PDZRN3: variants seen among roughly 807,000 people sequenced by gnomAD.
The protein encoded by PDZRN3 is E3 ubiquitin-protein ligase PDZRN3.
A neutral mutation model predicts 85.7 loss-of-function variants in PDZRN3; 38 were observed. The observed-to-expected ratio is 0.44, with a 90% CI of 0.34 to 0.58. PDZRN3 has a LOEUF of 0.58. PDZRN3 is among the 20% of genes least tolerant of loss of function. PDZRN3 has a pLI of 0.01. For synonymous variants in PDZRN3, 759 were observed against 638.0 expected (o/e 1.19, Z -2.86); for missense variants, 1,629 against 1,506.4 (o/e 1.08, Z -1.35).
chr3:73,618,877 C>A (rs1403942381), intron 1 of PDZRN3, among the ~76,000 whole-genome samples: 1 of 152,104 alleles, frequency 6.6e-6, no homozygotes, highest in Non-Finnish European at 1.5e-5. Flanking sequence ...AGCAGAAGTG[C>A]GCTGTTTTGT....
chr3:73,623,399 C>A (rs1472253575), intron 1 of PDZRN3, among the ~76,000 whole-genome samples: 1 of 152,222 alleles, frequency 6.6e-6, no homozygotes, highest in Non-Finnish European at 1.5e-5. Context: ...TCCTTTAATT[C>A]TTTCTGAAAT....
At chr3:73,489,508 G>A (rs1360320848) in intron 3 of PDZRN3, among the ~76,000 whole-genome samples, 1 of 150,606 alleles carries the variant, frequency 6.6e-6, no homozygotes, top group Non-Finnish European at 1.5e-5. Flanking sequence ...CTTCAGAGGA[G>A]TTGCCCTGCA....
At chr3:73,524,929 G>T (rs181010050) in intron 3 of PDZRN3, among the ~76,000 whole-genome samples, 2 of 150,478 alleles carry the variant, frequency 1.3e-5, no homozygotes, top group African/African-American at 4.9e-5. Context: ...TCACAGATCC[G>T]ATTCATATAT....
At chr3:73,604,998 A>T (rs2106900134) in intron 2 of PDZRN3, among the ~76,000 whole-genome samples, 1 of 152,174 alleles carries the variant, frequency 6.6e-6, no homozygotes, top group East Asian at 1.9e-4. Context: ...AGGCTGGTGG[A>T]TCGCCTGAGC....
chr3:73,389,919 G>A (rs535327096), intron 6 of PDZRN3, 41 bp from the exon 7 acceptor site: 4 of 1,459,056 alleles, frequency 2.7e-6, no homozygotes, highest in Non-Finnish European at 9.6e-7. Flanking sequence ...ACGCAGACAT[G>A]CATGAAAATA....
intron 5 of PDZRN3, among the ~76,000 whole-genome samples, chr3:73,392,580 A>G (rs1701550630): frequency 2.0e-5 from 3 of 152,216 alleles, no homozygotes; most frequent in African/African-American, 4.8e-5. Flanking sequence ...AGCTCTTAGC[A>G]CATTGACTGC....
intron 2 of PDZRN3, among the ~76,000 whole-genome samples, chr3:73,607,159 T>C (rs1702613668): frequency 6.6e-6 from 1 of 152,174 alleles, no homozygotes; most frequent in Non-Finnish European, 1.5e-5. Flanking sequence ...AGCTCAGGGG[T>C]CTTCACAGGT....
intron 3 of PDZRN3, among the ~76,000 whole-genome samples, chr3:73,560,770 G>A (rs915669642): frequency 6.6e-6 from 1 of 152,186 alleles, no homozygotes; most frequent in Non-Finnish European, 1.5e-5. Flanking sequence ...CACAGCCATG[G>A]CTGAGCCTCA....
intron 2 of PDZRN3, among the ~76,000 whole-genome samples, chr3:73,605,440 G>C (rs879884670): frequency 1.4e-4 from 22 of 152,174 alleles, no homozygotes; most frequent in Middle Eastern, 3.2e-3. Context: ...TGAGAGGTTT[G>C]ATACAACAGA....
intron 3 of PDZRN3, among the ~76,000 whole-genome samples, chr3:73,517,543 A>G (rs1296387190): frequency 6.6e-6 from 1 of 152,230 alleles, no homozygotes; most frequent in Admixed American, 6.5e-5. Context: ...GAGATTCTTT[A>G]AAAGGCTGAA....
At chr3:73,457,340 T>C (rs1344237308) in intron 3 of PDZRN3, among the ~76,000 whole-genome samples, 1 of 152,126 alleles carries the variant, frequency 6.6e-6, no homozygotes, top group African/African-American at 2.4e-5. Context: ...TCCAAAGTGC[T>C]GGGATTACAG....
intron 3 of PDZRN3, among the ~76,000 whole-genome samples, chr3:73,412,184 A>G (rs1701986805): frequency 6.6e-6 from 1 of 152,182 alleles, no homozygotes; most frequent in African/African-American, 2.4e-5. Flanking sequence ...CCACAAATTG[A>G]AGGAGGAAGG....
chr3:73,620,804 C>T (rs1456564319), intron 1 of PDZRN3, among the ~76,000 whole-genome samples: 1 of 152,168 alleles, frequency 6.6e-6, no homozygotes, highest in Non-Finnish European at 1.5e-5. Context: ...TCTCGATCTC[C>T]TGATCTCGTG....
intron 3 of PDZRN3, among the ~76,000 whole-genome samples, chr3:73,531,225 T>C (rs1217586887): frequency 8.5e-6 from 1 of 118,230 alleles, no homozygotes; most frequent in Non-Finnish European, 1.6e-5. Flanking sequence ...CACTCCAGCC[T>C]GGGTGACAGA....
intron 3 of PDZRN3, among the ~76,000 whole-genome samples, chr3:73,577,519 A>G (rs1702142169): frequency 6.6e-6 from 1 of 152,094 alleles, no homozygotes; most frequent in Non-Finnish European, 1.5e-5. Flanking sequence ...CTTGTATAGA[A>G]TGGTTCTCTG....
At chr3:73,398,513 G>A in intron 5 of PDZRN3, among the ~76,000 whole-genome samples, 1 of 152,144 alleles carries the variant, frequency 6.6e-6, no homozygotes, top group East Asian at 1.9e-4. Flanking sequence ...ACATCTCCTA[G>A]GTGAGAACTC....
In PDZRN3 at chr3:73,475,453, T is replaced by A. The variant is rs374835406; in HGVS notation, c.919-71058A>T. ...GGCAGTCAATTTCAAATTCACAGGG[T>A]TCCCCCCCCAACTCTGAACCCATTA... On this transcript the variant is annotated intron_variant, in intron 3 of 9. Transcript: ENST00000263666. Among the ~76,000 whole-genome samples the A allele has an allele frequency of 3.8e-4, 58 of 152,070 alleles. 4 individuals carry two copies. The highest frequency in any genetic ancestry group is 2.7e-3 in the East Asian group (14 of 5,184).
intron 2 of PDZRN3, among the ~76,000 whole-genome samples, chr3:73,606,717 A>G (rs1256392877): frequency 1.3e-5 from 2 of 152,172 alleles, no homozygotes; most frequent in Non-Finnish European, 2.9e-5. Context: ...ACCATTTAAA[A>G]TGTTCTTTTT....
At chr3:73,527,215 C>T (rs1164484253) in intron 3 of PDZRN3, among the ~76,000 whole-genome samples, 1 of 152,020 alleles carries the variant, frequency 6.6e-6, no homozygotes, top group Non-Finnish European at 1.5e-5. Flanking sequence ...TGAAAGGAGA[C>T]AATATATGGA....
Sources: allele counts gnomAD v4.1 joint callset (sites outside exome capture counted in the v4.1 genomes callset), GRCh38; gene constraint gnomAD v4.1.1; transcripts MANE v1.5; gene names NCBI Gene and HGNC (gene_info 2026-07-23, HGNC 2026-07-21).